The following ADGRE5 variants were observed in gnomAD, a reference collection of about 807,000 sequenced individuals.
The protein encoded by ADGRE5 is CD97 molecule.
A neutral mutation model predicts 100.3 loss-of-function variants in ADGRE5; 72 were observed. The observed-to-expected ratio is 0.72, with a 90% CI of 0.59 to 0.87. ADGRE5 has a LOEUF of 0.87. ADGRE5 is among the 40% of genes least tolerant of loss of function. The pLI is 0.00. For missense variants in ADGRE5, 959 were observed against 1,094.7 expected (o/e 0.88, Z 1.75); for synonymous variants, 439 against 447.8 (o/e 0.98, Z 0.25).
chr19:14,392,281 G>C (rs1259700491), intron 4 of ADGRE5, among the ~76,000 whole-genome samples: 5 of 140,966 alleles, frequency 3.5e-5, no homozygotes, highest in Non-Finnish European at 6.1e-5. Flanking sequence ...GGGGAAGAAA[G>C]AGTCCTTATC....
chr19:14,395,656 A>T (rs1486435998), intron 4 of ADGRE5, among the ~76,000 whole-genome samples: 1 of 152,206 alleles, frequency 6.6e-6, no homozygotes, highest in African/African-American at 2.4e-5. Context: ...ATATCCATAG[A>T]TCCTTTCCTG....
At chr19:14,404,866 G>GTTTT (rs779348170) in intron 13 of ADGRE5, 20 of 244,236 alleles carry the variant, frequency 8.2e-5, no homozygotes, top group South Asian at 1.6e-4. Context: ...CCACTTGCCC[G>GTTTT]TTTTTTTTTT....
In ADGRE5 at chr19:14,407,165, T is replaced by C. The variant is rs1976292476; in HGVS notation, c.2312T>C (p.Phe771Ser). The C allele has an allele frequency of 6.2e-7, 1 of 1,614,134 alleles. No individual in the cohort carries two copies. The highest frequency in any genetic ancestry group is 8.5e-7 in the Non-Finnish European group (1 of 1,180,040). The stretch of plus-strand genomic sequence containing the variant: ...CGGAGCTTGGTGCTGACCTATGTGT[T>C]TACCATCCTCAACTGCCTGCAGGGC... ...DDRSLVLTYV[F>S]TILNCLQGAF... The change falls in exon 18 of 20, where the codon TTT (phenylalanine) becomes TCT (serine). Residue 771 changes from phenylalanine to serine, a missense_variant. By Grantham distance (155) the Phe-to-Ser change is radical. Coordinates refer to ENST00000242786, the MANE Select transcript of ADGRE5 (RefSeq NM_078481.4).
chr19:14,389,965 A>G (rs1975537555), intron 3 of ADGRE5, among the ~76,000 whole-genome samples: 1 of 150,912 alleles, frequency 6.6e-6, no homozygotes, highest in Non-Finnish European at 1.5e-5. Flanking sequence ...AATCCCAGCT[A>G]CTCCGGGGGC....
intron 1 of ADGRE5, among the ~76,000 whole-genome samples, chr19:14,382,951 GTC>G (rs1975213570): frequency 6.6e-6 from 1 of 152,010 alleles, no homozygotes; most frequent in Non-Finnish European, 1.5e-5. Context: ...GGCCAGGCTG[GTC>G]TCAAACTCCT....
intron 9 of ADGRE5, among the ~76,000 whole-genome samples, chr19:14,399,551 G>A (rs1202667797): frequency 5.2e-5 from 6 of 115,448 alleles, no homozygotes; most frequent in African/African-American, 9.7e-5. Flanking sequence ...GCGACAGAGC[G>A]AGACTCCGTC....
At chr19:14,396,231 G>T (rs1441242920) in intron 4 of ADGRE5, 111 bp from the exon 5 acceptor site, 3 of 1,596,858 alleles carry the variant, frequency 1.9e-6, no homozygotes, top group Middle Eastern at 2.2e-4. Flanking sequence ...GGAAAAGGGA[G>T]GAGACAGTGG....
chr19:14,401,854 G>T lies in ADGRE5; in HGVS notation c.1183+94G>T, dbSNP rs1335369265. ...AGGTTCAGAATAGAACAACTGACTG[G>T]GCGCGGTGGCTCACGCCTGCAATCC... On this transcript the variant is annotated intron_variant, in intron 11 of 19. Transcript: ENST00000242786. This position sits in a 1 kb window ranked among gnomAD's most constrained non-coding sequence, Gnocchi z 4.1. 4 of 820,110 alleles carry T rather than the reference G, an allele frequency of 4.9e-6. No homozygotes were observed. Among genetic ancestry groups the T allele is most frequent in the Non-Finnish European group, 7.2e-6 (4 of 554,538 alleles). 50.8% of individuals were successfully genotyped at this position (820,110 alleles called of 1,614,324 possible).
At chr19:14,391,290 C>A in intron 4 of ADGRE5, 1 of 619,238 alleles carries the variant, frequency 1.6e-6, no homozygotes, top group African/African-American at 1.8e-5. Context: ...CTGCCTGGGC[C>A]AAATCCTGAT....
At chr19:14,402,488 G>A in intron 11 of ADGRE5, 109 bp from the exon 12 acceptor site, 3 of 1,084,536 alleles carry the variant, frequency 2.8e-6, no homozygotes, top group African/African-American at 1.6e-5. Context: ...AGGGGCTCCT[G>A]GCGTCATCGT....
At chr19:14,382,345 C>T (rs910646274) in intron 1 of ADGRE5, among the ~76,000 whole-genome samples, 3 of 152,286 alleles carry the variant, frequency 2.0e-5, no homozygotes, top group African/African-American at 7.2e-5. Flanking sequence ...CCTTGGGTTT[C>T]TTGGGGGCAC....
Position 14,407,984 on chromosome 19 carries a change from C to A in ADGRE5, c.2453C>A (p.Ser818Tyr). 1 of 1,614,168 alleles carries A rather than the reference C, an allele frequency of 6.2e-7. No individual in the cohort carries two copies. The highest frequency in any genetic ancestry group is 1.6e-4 in the Middle Eastern group (1 of 6,062). Residue 818 changes from serine to tyrosine, a missense_variant, in exon 19 of 20, where the codon TCT becomes TAT. By Grantham distance (144) the Ser-to-Tyr change is moderately radical. This residue lies in a region of ADGRE5 where 428 missense variants were observed against 386.2 expected (regional missense o/e 1.11). Coordinates refer to ENST00000242786, the MANE Select transcript of ADGRE5 (RefSeq NM_078481.4). ...SKYSEFTSTT[S>Y]GTGHNQTRAL... is the part of the protein sequence containing the mutation. ...TACTCAGAATTCACCTCCACCACGT[C>A]TGGCACTGGCCACAATCAGACCCGG...
chr19:14,392,857 G>T (rs1975647423), intron 4 of ADGRE5, among the ~76,000 whole-genome samples: 1 of 149,224 alleles, frequency 6.7e-6, no homozygotes, highest in African/African-American at 2.5e-5. Context: ...GATCCGAGAT[G>T]ACAGCACTGC....
chr19:14,392,815 A>G (rs1429672100), intron 4 of ADGRE5, among the ~76,000 whole-genome samples: 1 of 151,904 alleles, frequency 6.6e-6, no homozygotes, highest in East Asian at 1.9e-4. Context: ...AAGCACGAGA[A>G]TCGCTTGAAC....
intron 9 of ADGRE5, among the ~76,000 whole-genome samples, chr19:14,398,520 A>C (rs1048977682): frequency 1.3e-5 from 2 of 151,916 alleles, no homozygotes; most frequent in African/African-American, 4.8e-5. Flanking sequence ...AATACAAAAA[A>C]AAAAATTAGC....
rs2146349087 is a variant in ADGRE5, at chr19:14,388,773, A to G, written c.145A>G (p.Ser49Gly). The change falls in exon 3 of 20, where the codon AGC becomes GGC. Residue 49 changes from serine to glycine, a missense_variant. Around this residue, in one of 6 missense-constraint regions of ADGRE5, gnomAD observed 114 missense variants for 195.7 expected, o/e 0.58. Transcript: ENST00000242786. The stretch of plus-strand genomic sequence containing the variant: ...CGCCTGTCGCTGCAATCCAGGGTTC[A>G]GCTCTTTTTCTGAGATCATCACCAC... ...ATACRCNPGF[S>G]SFSEIITTPT... 1 of 1,613,892 alleles carries G rather than the reference A, an allele frequency of 6.2e-7. No individual in the cohort carries two copies. The highest frequency in any genetic ancestry group is 8.5e-7 in the Non-Finnish European group (1 of 1,180,006).
At chr19:14,395,715 A>G (rs1975752108) in intron 4 of ADGRE5, among the ~76,000 whole-genome samples, 1 of 152,088 alleles carries the variant, frequency 6.6e-6, no homozygotes. Context: ...CTGGCTGGAC[A>G]TCAGCCCCCA....
chr19:14,394,111 G>A (rs1013205423), intron 4 of ADGRE5, among the ~76,000 whole-genome samples: 1 of 152,156 alleles, frequency 6.6e-6, no homozygotes, highest in African/African-American at 2.4e-5. Flanking sequence ...GTGTGTTGCT[G>A]TGTTAGAAAC....
intron 13 of ADGRE5, chr19:14,405,394 T>G (rs942768467): frequency 1.9e-5 from 4 of 213,586 alleles, no homozygotes; most frequent in Non-Finnish European, 3.7e-5. Flanking sequence ...CTGCCCCCCC[T>G]CAGCCTCTCA....
Sources: allele counts gnomAD v4.1 joint callset (sites outside exome capture counted in the v4.1 genomes callset), GRCh38; gene constraint gnomAD v4.1.1; regional missense constraint gnomAD v4.1.1; non-coding constraint Gnocchi (gnomAD v3.1); transcripts MANE v1.5; gene names NCBI Gene and HGNC (gene_info 2026-07-23, HGNC 2026-07-21).